The following SLC10A7 variants were observed in gnomAD, a reference collection of about 807,000 sequenced individuals.
SLC10A7 encodes sodium/bile acid cotransporter 7.
SLC10A7 carries 29 observed loss-of-function variants against 43.2 expected under a neutral mutation model. The ratio of observed to expected loss-of-function variants is 0.67; its 90% CI spans 0.50 to 0.92. SLC10A7 has a LOEUF of 0.92. SLC10A7 is among the 40% of genes least tolerant of loss of function. The probability of loss-of-function intolerance (pLI) is 0.00; values close to 1 mark genes in which losing one functional copy is unlikely to be tolerated. For missense variants in SLC10A7, 295 were observed against 403.2 expected (o/e 0.73, Z 2.30); for synonymous variants, 152 against 144.8 (o/e 1.05, Z -0.35).
At chr4:146,437,734 C>A (rs1317635267) in intron 5 of SLC10A7, among the ~76,000 whole-genome samples, 2 of 152,006 alleles carry the variant, frequency 1.3e-5, no homozygotes, top group East Asian at 3.8e-4. Context: ...TTATCTAGTA[C>A]CACCTTTAAG....
At chr4:146,285,579 C>G (rs1729841433) in intron 9 of SLC10A7, among the ~76,000 whole-genome samples, 1 of 152,082 alleles carries the variant, frequency 6.6e-6, no homozygotes, top group South Asian at 2.1e-4. Flanking sequence ...TGAACACAAG[C>G]TAGGGGATAT....
intron 5 of SLC10A7, chr4:146,441,954 GT>G: frequency 1.0e-6 from 1 of 981,568 alleles, no homozygotes; most frequent in Non-Finnish European, 1.2e-6. Context: ...TCATGAACTA[GT>G]TTATACATCA....
chr4:146,333,917 G>T (rs1733706143), intron 5 of SLC10A7, among the ~76,000 whole-genome samples: 1 of 152,126 alleles, frequency 6.6e-6, no homozygotes, highest in Non-Finnish European at 1.5e-5. Flanking sequence ...GGCAGAAGAT[G>T]ATCTGGGCTA....
chr4:146,498,825 T>A (rs1736152540), intron 4 of SLC10A7, among the ~76,000 whole-genome samples: 1 of 152,014 alleles, frequency 6.6e-6, no homozygotes, highest in African/African-American at 2.4e-5. Flanking sequence ...AACAACATAT[T>A]TTTTTTAACT....
At position 146,336,083 on chromosome 4, in the gene SLC10A7, C is replaced by A. The variant is rs567805178; in HGVS notation, c.436-10087G>T. Among the ~76,000 whole-genome samples the A allele has an allele frequency of 4.8e-4, 73 of 152,184 alleles. 1 individual carries two copies. The South Asian group carries it at 0.011, about 24-fold the overall frequency. On this transcript the variant is annotated intron_variant, in intron 5 of 11. Coordinates refer to ENST00000335472, the MANE Select transcript of SLC10A7 (RefSeq NM_001029998.6). ...TAAAAAATGGATTTAGATTCTAGAGCAGAGGTTGGCAAACTTTTTCTGTGT... is the reference window on the plus strand; with the variant it reads ...TAAAAAATGGATTTAGATTCTAGAGAAGAGGTTGGCAAACTTTTTCTGTGT...
At chr4:146,308,428 C>T (rs1001973346) in intron 6 of SLC10A7, among the ~76,000 whole-genome samples, 29 of 152,136 alleles carry the variant, frequency 1.9e-4, no homozygotes, top group Non-Finnish European at 3.7e-4. Flanking sequence ...GAACAGCAAG[C>T]ATCTGGCACA....
chr4:146,491,565 G>A (rs1243146326), intron 4 of SLC10A7, among the ~76,000 whole-genome samples: 1 of 151,810 alleles, frequency 6.6e-6, no homozygotes, highest in Non-Finnish European at 1.5e-5. Context: ...AAAAAGGCGA[G>A]GGAAAGAAAG....
At chr4:146,288,746 G>A (rs1264639559) in intron 9 of SLC10A7, among the ~76,000 whole-genome samples, 2 of 152,130 alleles carry the variant, frequency 1.3e-5, no homozygotes, top group South Asian at 4.2e-4. Context: ...ATTCTTGAAA[G>A]GAATCACATT....
chr4:146,432,223 T>C (rs1476669396), intron 5 of SLC10A7, among the ~76,000 whole-genome samples: 1 of 152,202 alleles, frequency 6.6e-6, no homozygotes, highest in Admixed American at 6.5e-5. Flanking sequence ...GGAAAGAGTT[T>C]GGTGGTTTCT....
chr4:146,477,425 T>C (rs1224345170), intron 4 of SLC10A7, among the ~76,000 whole-genome samples: 1 of 152,230 alleles, frequency 6.6e-6, no homozygotes, highest in African/African-American at 2.4e-5. Context: ...ATCTAGAGGC[T>C]AAAAACTCAA....
At chr4:146,402,737 C>T (rs1739309140) in intron 5 of SLC10A7, among the ~76,000 whole-genome samples, 1 of 152,198 alleles carries the variant, frequency 6.6e-6, no homozygotes, top group Admixed American at 6.5e-5. Flanking sequence ...TCCATTTCGC[C>T]TTGAAGACAT....
chr4:146,312,775 T>C (rs1409091774), intron 6 of SLC10A7, among the ~76,000 whole-genome samples: 1 of 152,204 alleles, frequency 6.6e-6, no homozygotes, highest in Admixed American at 6.5e-5. Flanking sequence ...GGTTACTTTC[T>C]AATAACTTTG....
chr4:146,259,474 A>G (rs144868740), intron 10 of SLC10A7, among the ~76,000 whole-genome samples: 3,962 of 152,262 alleles, frequency 0.026, 155 homozygotes, highest in African/African-American at 0.09. Context: ...GGTGGTGCAC[A>G]CCTGTAGTCT....
At chr4:146,278,981 G>T (rs1169364734) in intron 10 of SLC10A7, among the ~76,000 whole-genome samples, 1 of 152,142 alleles carries the variant, frequency 6.6e-6, no homozygotes, top group Non-Finnish European at 1.5e-5. Context: ...TATAAACAAT[G>T]TAAGAAATAG....
At chr4:146,306,059 G>T (rs747193498) in intron 6 of SLC10A7, 50 bp from the exon 7 acceptor site, 1 of 1,428,402 alleles carries the variant, frequency 7.0e-7, no homozygotes, top group South Asian at 1.4e-5. Flanking sequence ...CAGTTATCAA[G>T]CATTAGTGTT....
chr4:146,415,387 T>TG (rs2149838667), intron 5 of SLC10A7, among the ~76,000 whole-genome samples: 1 of 152,348 alleles, frequency 6.6e-6, no homozygotes, highest in African/African-American at 2.4e-5. Context: ...AAATAATAAC[T>TG]GCTAATATTT....
chr4:146,256,381 A>T lies in SLC10A7; in HGVS notation c.*110T>A. 2 of 1,062,440 alleles carry T rather than the reference A, an allele frequency of 1.9e-6. No homozygotes were observed. The highest frequency in any genetic ancestry group is 2.8e-6 in the Non-Finnish European group (2 of 705,314). 65.8% of individuals were successfully genotyped at this position (1,062,440 alleles called of 1,614,324 possible). On this transcript the variant is annotated 3_prime_UTR_variant, in exon 12 of 12. Coordinates refer to ENST00000335472, the MANE Select transcript of SLC10A7 (RefSeq NM_001029998.6). ...AAACAGGATCTCATATTTTTGTGTAAAAAAATAAAATATGCATTGAGGCAA... is the reference window on the plus strand; with the variant it reads ...AAACAGGATCTCATATTTTTGTGTATAAAAATAAAATATGCATTGAGGCAA...
intron 7 of SLC10A7, among the ~76,000 whole-genome samples, chr4:146,297,114 T>C (rs1730838940): frequency 6.6e-6 from 1 of 152,210 alleles, no homozygotes; most frequent in African/African-American, 2.4e-5. Flanking sequence ...GCCAGTTCTA[T>C]CTTCCTTCAG....
At chr4:146,418,724 A>T (rs1312392056) in intron 5 of SLC10A7, among the ~76,000 whole-genome samples, 4 of 152,088 alleles carry the variant, frequency 2.6e-5, no homozygotes, top group Non-Finnish European at 5.9e-5. Context: ...CAATTCTCCA[A>T]CTGGATGTGC....
Sources: allele counts gnomAD v4.1 joint callset (sites outside exome capture counted in the v4.1 genomes callset), GRCh38; gene constraint gnomAD v4.1.1; transcripts MANE v1.5; gene names NCBI Gene and HGNC (gene_info 2026-07-23, HGNC 2026-07-21).